Variants in LRRIQ1 observed in about 807,000 individuals in gnomAD.
LRRIQ1 encodes the protein leucine-rich repeat- and IQ domain-containing protein 1.
Under a neutral mutation model 211.9 loss-of-function variants are expected in LRRIQ1, and 210 were observed. The observed-to-expected ratio is 0.99, with a 90% CI of 0.89 to 1.11. The LOEUF (loss-of-function observed/expected upper bound fraction) is 1.11. LRRIQ1 is among the 50% of genes most tolerant of loss of function. The pLI is 0.00. For missense variants in LRRIQ1, 2,136 were observed against 1,939.5 expected (o/e 1.10, Z -1.90); for synonymous variants, 699 against 650.1 (o/e 1.08, Z -1.14).
intron 20 of LRRIQ1, among the ~76,000 whole-genome samples, chr12:85,152,802 A>G (rs1890324119): frequency 6.6e-6 from 1 of 151,592 alleles, no homozygotes; most frequent in Non-Finnish European, 1.5e-5. Flanking sequence ...GATCTTTGCA[A>G]TTAATCATTT....
chr12:85,097,842 C>T (rs1246829432), intron 11 of LRRIQ1, among the ~76,000 whole-genome samples: 7 of 152,030 alleles, frequency 4.6e-5, no homozygotes, highest in African/African-American at 1.7e-4. Flanking sequence ...TAGTATCATA[C>T]TGATTTTAAG....
At chr12:85,077,360 T>A (rs546869243) in intron 11 of LRRIQ1, among the ~76,000 whole-genome samples, 132 of 152,294 alleles carry the variant, frequency 8.7e-4, no homozygotes, top group African/African-American at 3.1e-3. Flanking sequence ...TTTTGTGAGA[T>A]CTAGGAAACT....
At chr12:85,183,287 A>C (rs1377267586) in intron 24 of LRRIQ1, among the ~76,000 whole-genome samples, 1 of 152,122 alleles carries the variant, frequency 6.6e-6, no homozygotes, top group Non-Finnish European at 1.5e-5. Flanking sequence ...ACTTTGGATT[A>C]ATTTTCTTCT....
intron 24 of LRRIQ1, among the ~76,000 whole-genome samples, chr12:85,224,082 T>C (rs932411111): frequency 1.3e-5 from 2 of 152,142 alleles, no homozygotes; most frequent in Admixed American, 6.6e-5. Flanking sequence ...TACTATTAGA[T>C]ATTTTATTCT....
chr12:85,173,234 G>A (rs2136824247), intron 24 of LRRIQ1, among the ~76,000 whole-genome samples: 1 of 152,142 alleles, frequency 6.6e-6, no homozygotes, highest in South Asian at 2.1e-4. Context: ...TGTAAATACT[G>A]TCTCTGTATT....
chr12:85,122,057 T>G (rs897887755), intron 16 of LRRIQ1, among the ~76,000 whole-genome samples, 181 bp downstream of exon 16: 1 of 152,192 alleles, frequency 6.6e-6, no homozygotes, highest in Non-Finnish European at 1.5e-5. Flanking sequence ...TATTAATATG[T>G]ATTTTGAACA....
At chr12:85,255,281 G>T (rs1033431882) in intron 1 of LRRIQ1, among the ~76,000 whole-genome samples, 1 of 151,816 alleles carries the variant, frequency 6.6e-6, no homozygotes, top group African/African-American at 2.4e-5. Flanking sequence ...TGGCAAATTT[G>T]TAAGTGATGC....
chr12:85,104,705 C>T (rs1191657472), intron 14 of LRRIQ1, among the ~76,000 whole-genome samples: 2 of 151,796 alleles, frequency 1.3e-5, no homozygotes, highest in Non-Finnish European at 2.9e-5. Context: ...GTTGAACATA[C>T]TTTGATTGTT....
chr12:85,137,996 ATTGGT>A (rs1592864660), intron 19 of LRRIQ1, 27 bp downstream of exon 19: 2 of 1,236,526 alleles, frequency 1.6e-6, no homozygotes, highest in Non-Finnish European at 2.3e-6. Context: ...GTATATAAAT[ATTGGT>A]CTTAAAATAC....
chr12:85,219,565 C>T (rs2137120689), intron 24 of LRRIQ1, among the ~76,000 whole-genome samples: 1 of 152,162 alleles, frequency 6.6e-6, no homozygotes, highest in East Asian at 1.9e-4. Flanking sequence ...ATGTCAGAAA[C>T]TAGCACATAA....
rs1180477107 is a variant in LRRIQ1 at position 85,057,073 on chromosome 12, A to G, written c.2280A>G (p.Gln760=). The change falls in exon 8 of 27, where the codon CAA becomes CAG. Residue 760 remains glutamine, a synonymous_variant. Coordinates refer to ENST00000393217, the MANE Select transcript of LRRIQ1 (RefSeq NM_001079910.2). ...GGCTTGAAATTTTCAAGCAAAATCA[A>G]CAAAAGAAAATTGTTAGAAGAAAGA... ...KPWLEIFKQN[Q]QKKIVRRKRP... 1.2e-6 allele frequency: 2 copies of G among 1,609,272 alleles called. No individual in the cohort carries two copies. Among genetic ancestry groups the G allele is most frequent in the South Asian group, 2.2e-5 (2 of 89,914 alleles).
At chr12:85,106,958 CCT>C (rs1483056734) in intron 15 of LRRIQ1, among the ~76,000 whole-genome samples, 1 of 151,872 alleles carries the variant, frequency 6.6e-6, no homozygotes, top group Non-Finnish European at 1.5e-5. Flanking sequence ...TACATAGCTT[CCT>C]ACTTAAATTG....
At chr12:85,063,982 G>A (rs1379697056) in intron 8 of LRRIQ1, among the ~76,000 whole-genome samples, 1 of 151,690 alleles carries the variant, frequency 6.6e-6, no homozygotes, top group Admixed American at 6.6e-5. Context: ...GTTGTGCAGA[G>A]TACTGCCGTA....
In LRRIQ1 at chr12:85,137,868, AT is replaced by A; in HGVS notation, c.4232del (p.Leu1411CysfsTer5). On this transcript the variant is annotated frameshift_variant, in exon 19 of 27. Transcript: ENST00000393217. LOFTEE classifies it high-confidence loss of function. ...ILIQAVWKGF[I>X]LRKKLTTALE... Reference sequence around the variant, plus strand: ...TGTTTAGGCAGTTTGGAAGGGCTTTATTTTGCGAAAGAAACTGACAACAGCT... The same window carrying A: ...TGTTTAGGCAGTTTGGAAGGGCTTTATTTGCGAAAGAAACTGACAACAGCT... The A allele has an allele frequency of 6.3e-7, 1 of 1,595,922 alleles. No homozygotes were observed. The highest frequency in any genetic ancestry group is 8.5e-7 in the Non-Finnish European group (1 of 1,173,342).
chr12:85,112,443 T>C (rs1221229613), intron 15 of LRRIQ1, among the ~76,000 whole-genome samples: 1 of 147,206 alleles, frequency 6.8e-6, no homozygotes, highest in Admixed American at 6.8e-5. Flanking sequence ...TATATTGTTT[T>C]CCCATTCATA....
chr12:85,200,126 G>T (rs1893218605), intron 24 of LRRIQ1, among the ~76,000 whole-genome samples: 1 of 152,024 alleles, frequency 6.6e-6, no homozygotes, highest in Non-Finnish European at 1.5e-5. Flanking sequence ...CCATTTGTTT[G>T]TGTCATCTCT....
At chr12:85,069,666 T>G (rs1882855099) in intron 10 of LRRIQ1, among the ~76,000 whole-genome samples, 1 of 152,164 alleles carries the variant, frequency 6.6e-6, no homozygotes, top group Non-Finnish European at 1.5e-5. Context: ...CATTGTGATT[T>G]TGATTTGCAT....
At chr12:85,139,844 C>T (rs1043586679) in intron 19 of LRRIQ1, among the ~76,000 whole-genome samples, 1 of 151,294 alleles carries the variant, frequency 6.6e-6, no homozygotes, top group Non-Finnish European at 1.5e-5. Flanking sequence ...TAGCACGTTT[C>T]TAGAAATGTC....
downstream of LRRIQ1, among the ~76,000 whole-genome samples, chr12:85,265,309 G>T (rs980755495): frequency 1.3e-5 from 2 of 151,978 alleles, no homozygotes; most frequent in South Asian, 4.2e-4. Context: ...TCATCATCTG[G>T]ATTTATGGCT....
Sources: allele counts gnomAD v4.1 joint callset (sites outside exome capture counted in the v4.1 genomes callset), GRCh38; gene constraint gnomAD v4.1.1; transcripts MANE v1.5; gene names NCBI Gene and HGNC (gene_info 2026-07-23, HGNC 2026-07-21).